The following ABLIM1 variants were observed in gnomAD, a reference collection of about 807,000 sequenced individuals.
The protein encoded by ABLIM1 is actin binding LIM protein 1.
Under a neutral mutation model 107.0 loss-of-function variants are expected in ABLIM1, and 40 were observed. The observed-to-expected ratio is 0.37, with a 90% CI of 0.29 to 0.49. The LOEUF (loss-of-function observed/expected upper bound fraction) is 0.49, where lower values mean the gene tolerates loss of function less well. ABLIM1 is among the 20% of genes least tolerant of loss of function. The pLI is 0.97. For missense variants in ABLIM1, 857 were observed against 1,008.5 expected, an observed-to-expected ratio of 0.85 and a Z score of 2.04; for synonymous variants, 357 against 357.3, an observed-to-expected ratio of 1.00 and a Z score of 0.01.
Position 114,562,488 on chromosome 10 carries a change from C to T in ABLIM1, c.673+8809G>A, listed in dbSNP as rs536681498. Reference sequence around the variant, plus strand: ...AGCTTGCAGTGAGCCAAGATCGCGCCACTGCAGTCCACCTTGGGCAACACA... The same window carrying T: ...AGCTTGCAGTGAGCCAAGATCGCGCTACTGCAGTCCACCTTGGGCAACACA... On this transcript the variant is annotated intron_variant, in intron 4 of 22. Transcript: ENST00000533213. Among the ~76,000 whole-genome samples the T allele has an allele frequency of 9.9e-5, 15 of 152,266 alleles. No homozygotes were observed. In the East Asian group the frequency reaches 2.9e-3, roughly 29 times the overall value.
chr10:114,750,522 T>A (rs1353872670), intron 1 of ABLIM1, among the ~76,000 whole-genome samples: 1 of 152,210 alleles, frequency 6.6e-6, no homozygotes, highest in African/African-American at 2.4e-5. Flanking sequence ...GAATATATCC[T>A]TTCTGCCATA....
chr10:114,547,862 C>G (rs1205898216), intron 4 of ABLIM1, 86 bp from the exon 5 acceptor site: 1 of 1,488,744 alleles, frequency 6.7e-7, no homozygotes, highest in Non-Finnish European at 9.1e-7. Context: ...CACTGTGTGC[C>G]CATCACACAC....
chr10:114,583,671 C>T (rs759476950), intron 2 of ABLIM1, among the ~76,000 whole-genome samples: 1 of 151,610 alleles, frequency 6.6e-6, no homozygotes, highest in Non-Finnish European at 1.5e-5. Flanking sequence ...GTGTACTCTT[C>T]TGTTCATCAC....
At chr10:114,760,784 C>T (rs1222362436) in intron 1 of ABLIM1, among the ~76,000 whole-genome samples, 1 of 152,120 alleles carries the variant, frequency 6.6e-6, no homozygotes, top group African/African-American at 2.4e-5. Context: ...ATATGACACT[C>T]CCACATGTGA....
intron 4 of ABLIM1, among the ~76,000 whole-genome samples, chr10:114,547,987 T>C (rs1305978213): frequency 6.6e-6 from 1 of 152,212 alleles, no homozygotes; most frequent in Non-Finnish European, 1.5e-5. Context: ...GGAAGCTTCA[T>C]GAACCTCCGT....
At chr10:114,605,998 T>G (rs568738689) in intron 1 of ABLIM1, among the ~76,000 whole-genome samples, 31 of 152,156 alleles carry the variant, frequency 2.0e-4, no homozygotes, top group African/African-American at 7.2e-4. Flanking sequence ...CCCAGTAATC[T>G]TCAGTGCAGT....
At chr10:114,452,397 G>A (rs2062049549) in intron 13 of ABLIM1, among the ~76,000 whole-genome samples, 1 of 151,878 alleles carries the variant, frequency 6.6e-6, no homozygotes, top group African/African-American at 2.4e-5. Flanking sequence ...TCTTGGTGGG[G>A]CATTTTTATG....
intron 10 of ABLIM1, among the ~76,000 whole-genome samples, chr10:114,468,779 C>T (rs575836579): frequency 4.0e-5 from 6 of 150,544 alleles, no homozygotes; most frequent in Non-Finnish European, 8.9e-5. Flanking sequence ...AGGCCGGGTG[C>T]GGTGGCTCAC....
At chr10:114,656,966 G>T (rs1407253751) in intron 1 of ABLIM1, among the ~76,000 whole-genome samples, 2 of 152,126 alleles carry the variant, frequency 1.3e-5, no homozygotes, top group Non-Finnish European at 2.9e-5. Context: ...AGGGTACAGG[G>T]TTTCTTTTTG....
intron 6 of ABLIM1, chr10:114,502,325 CTTGCTACATCCTGT>C: frequency 6.4e-6 from 1 of 155,868 alleles, no homozygotes; most frequent in Non-Finnish European, 1.4e-5. Flanking sequence ...TTCCTTTGCA[CTTGCTACATCCTGT>C]TCTATAGAGT....
At chr10:114,537,282 T>G (rs1342450632) in intron 6 of ABLIM1, among the ~76,000 whole-genome samples, 2 of 152,192 alleles carry the variant, frequency 1.3e-5, no homozygotes, top group East Asian at 3.8e-4. Flanking sequence ...ATATTTTACA[T>G]ATTTATGGGG....
intron 6 of ABLIM1, among the ~76,000 whole-genome samples, chr10:114,500,711 GGGAAGGGAAAGGAAGGGAAA>G (rs1565642844): frequency 5.2e-5 from 6 of 114,402 alleles, no homozygotes; most frequent in Middle Eastern, 4.8e-3. Context: ...AGAAAGAGAA[GGGAAGGGAAAGGAAGGGAAA>G]GGAAGGGAAG....
the ABLIM1 span, among the ~76,000 whole-genome samples, chr10:114,773,111 A>G: frequency 6.6e-6 from 1 of 152,072 alleles, no homozygotes; most frequent in Admixed American, 6.5e-5. Flanking sequence ...TAATTTATAA[A>G]TAATAGGAGT....
intron 1 of ABLIM1, among the ~76,000 whole-genome samples, chr10:114,700,183 T>C (rs1040564610): frequency 6.6e-6 from 1 of 152,192 alleles, no homozygotes; most frequent in Non-Finnish European, 1.5e-5. Context: ...ATTCATTACA[T>C]ATGAAGGATG....
At chr10:114,768,281 A>AGCGCTGACACCCGCGGCC (rs1292473660), upstream of ABLIM1, among the ~76,000 whole-genome samples, 3 of 146,276 alleles carry the variant, frequency 2.1e-5, no homozygotes, top group East Asian at 6.1e-4. Flanking sequence ...CGGGCGCGGC[A>AGCGCTGACACCCGCGGCC]GCGCTGACAC....
intron 1 of ABLIM1, among the ~76,000 whole-genome samples, chr10:114,642,957 A>G (rs1028253684): frequency 1.3e-5 from 2 of 152,214 alleles, no homozygotes; most frequent in Non-Finnish European, 2.9e-5. Flanking sequence ...AAAAGAACCA[A>G]GAAACTTACA....
chr10:114,601,713 G>A, intron 2 of ABLIM1, 114 bp downstream of exon 2: 1 of 1,523,160 alleles, frequency 6.6e-7, no homozygotes, highest in South Asian at 1.1e-5. Context: ...CAGGGCTTCT[G>A]AGAGCATTCG....
At chr10:114,600,215 C>T (rs1030196371) in intron 2 of ABLIM1, among the ~76,000 whole-genome samples, 2 of 152,168 alleles carry the variant, frequency 1.3e-5, no homozygotes, top group Non-Finnish European at 2.9e-5. Flanking sequence ...GACAGCCCAG[C>T]ACCCTGGGTG....
chr10:114,712,061 G>A (rs7902122), intron 1 of ABLIM1, among the ~76,000 whole-genome samples: 5,339 of 152,080 alleles, frequency 0.035, 309 homozygotes, highest in African/African-American at 0.12. Flanking sequence ...TCATTACAAA[G>A]TACATTAATG....
Sources: allele counts gnomAD v4.1 joint callset (sites outside exome capture counted in the v4.1 genomes callset), GRCh38; gene constraint gnomAD v4.1.1; transcripts MANE v1.5; gene names NCBI Gene and HGNC (gene_info 2026-07-23, HGNC 2026-07-21).